TUT1: variants seen among roughly 807,000 people sequenced by gnomAD.
TUT1 encodes the protein terminal uridylyl transferase 1, U6 snRNA-specific, also known as speckle targeted PIP5K1A-regulated poly(A) polymerase.
In TUT1, 26 loss-of-function variants were observed where a neutral mutation model predicts 48.8. The observed-to-expected ratio is 0.53, with a 90% CI of 0.39 to 0.74. TUT1 has a LOEUF of 0.74. TUT1 is among the 30% of genes least tolerant of loss of function. TUT1 has a pLI of 0.00. For missense variants in TUT1, 1,065 were observed against 1,114.8 expected, an observed-to-expected ratio of 0.96 and a Z score of 0.64; for synonymous variants, 470 against 460.8, an observed-to-expected ratio of 1.02 and a Z score of -0.26.
chr11:62,581,919 G>A (rs190496915), intron 2 of TUT1, among the ~76,000 whole-genome samples: 27 of 152,216 alleles, frequency 1.8e-4, no homozygotes, highest in Admixed American at 9.1e-4. Flanking sequence ...GCTGAGGCAG[G>A]AGAACTGCTT....
intron 2 of TUT1, among the ~76,000 whole-genome samples, chr11:62,585,011 A>G (rs1430750093): frequency 2.1e-5 from 3 of 143,490 alleles, no homozygotes; most frequent in Admixed American, 2.1e-4. Flanking sequence ...TTTAGTAGAG[A>G]CGGTTTCACC....
intron 2 of TUT1, among the ~76,000 whole-genome samples, chr11:62,587,720 C>T (rs1941943776): frequency 6.6e-6 from 1 of 152,194 alleles, no homozygotes; most frequent in Admixed American, 6.5e-5. Flanking sequence ...AGGCTCCACC[C>T]CATTCTAAAA....
At chr11:62,585,995 G>A (rs760729175) in intron 2 of TUT1, among the ~76,000 whole-genome samples, 6 of 152,196 alleles carry the variant, frequency 3.9e-5, no homozygotes, top group East Asian at 1.9e-4. Flanking sequence ...CCAGCTACTC[G>A]GGAGGCTGAG....
intron 4 of TUT1, among the ~76,000 whole-genome samples, chr11:62,580,329 G>A (rs1418789081): frequency 7.9e-5 from 12 of 151,592 alleles, no homozygotes; most frequent in African/African-American, 2.2e-4. Context: ...GCATGGTGGC[G>A]TGTGCCTGTA....
intron 2 of TUT1, 121 bp from the exon 3 acceptor site, chr11:62,581,822 G>T: frequency 1.1e-6 from 1 of 950,842 alleles, no homozygotes; most frequent in Non-Finnish European, 1.4e-6. Flanking sequence ...TTTGCTTGCT[G>T]TTTTCATAAT....
At chr11:62,582,513 T>C (rs1344751433) in intron 2 of TUT1, 5 of 433,678 alleles carry the variant, frequency 1.2e-5, no homozygotes, top group Non-Finnish European at 2.3e-5. Flanking sequence ...AGAGCATCAC[T>C]TGGGCCCAGG....
At position 62,581,368 on chromosome 11, in the gene TUT1, G is replaced by A. The variant is rs1239900203; in HGVS notation, c.589+18C>T. 1.3e-6 allele frequency: 2 copies of A among 1,586,984 alleles called. No individual in the cohort carries two copies. Among genetic ancestry groups the A allele is most frequent in the Non-Finnish European group, 1.7e-6 (2 of 1,167,236 alleles). On this transcript the variant is annotated intron_variant, in intron 3 of 8. Coordinates refer to ENST00000476907, the MANE Select transcript of TUT1 (RefSeq NM_022830.3). ...AAAGGCCAGGGAGGGCTCAGACATA[G>A]TAGGGGAGGTAACTTACCAGGGAAG...
At chr11:62,590,233 C>A (rs777672317) in intron 1 of TUT1, among the ~76,000 whole-genome samples, 104 of 152,244 alleles carry the variant, frequency 6.8e-4, no homozygotes, top group African/African-American at 2.0e-3. Flanking sequence ...TGGCTCACGC[C>A]TGTAATCCCA....
chr11:62,579,751 G>T (rs1278133848), intron 4 of TUT1, among the ~76,000 whole-genome samples: 1 of 143,110 alleles, frequency 7.0e-6, no homozygotes, highest in Non-Finnish European at 1.5e-5. Context: ...TGCAACCTCC[G>T]CCTCCTGGGT....
In TUT1 at chr11:62,581,090, T is replaced by G. The variant is rs772828280; in HGVS notation, c.690+16A>C. On this transcript the variant is annotated intron_variant, in intron 4 of 8. Coordinates refer to ENST00000476907, the MANE Select transcript of TUT1 (RefSeq NM_022830.3). ...CATGGACTTTTCCCAGCTGCCTCCC[T>G]GGGACACTCACTCACCTGGGGCTCT... The G allele has an allele frequency of 2.1e-5, 34 of 1,609,058 alleles. No individual in the cohort carries two copies. The highest frequency in any genetic ancestry group is 2.7e-5 in the Non-Finnish European group (32 of 1,175,928).
intron 4 of TUT1, among the ~76,000 whole-genome samples, chr11:62,580,594 GTCAAT>G (rs1162927288): frequency 1.2e-4 from 17 of 142,388 alleles, no homozygotes; most frequent in Admixed American, 7.7e-4. Flanking sequence ...AGGTATCCAT[GTCAAT>G]TCTTTTTTTT....
At position 62,578,570 on chromosome 11, in the gene TUT1, A is replaced by G. The variant is rs764707983; in HGVS notation, c.1151T>C (p.Leu384Pro). ...RPSGLHGDVSLSNRLALHNSR... is the reference protein window; with the variant it reads ...RPSGLHGDVSPSNRLALHNSR... ...AAAAAAAGAAAGGTACCGGTTACTG[A>G]GGGAGACATCACCGTGGAGACCTGA... The change falls in exon 5 of 9, where the codon CTC (leucine) becomes CCC (proline). Residue 384 changes from leucine (L) to proline (P), a missense_variant. Physicochemically the swap from Leu to Pro is moderately conservative, Grantham distance 98. Transcript: ENST00000476907. The G allele has an allele frequency of 1.3e-6, 2 of 1,598,684 alleles. No homozygotes were observed. The highest frequency in any genetic ancestry group is 1.7e-6 in the Non-Finnish European group (2 of 1,171,912).
Position 62,576,016 on chromosome 11 carries a change from C to A in TUT1, c.1703G>T (p.Arg568Leu). Residue 568 changes from arginine (R) to leucine (L), a missense_variant, in exon 9 of 9, where the codon CGA (arginine) becomes CTA (leucine). Transcript: ENST00000476907. Reference sequence around the variant, plus strand: ...GCTTCGGCAGTAATTGGCTGCTGCTCGGCAGCAGTTCTGTAGGCGCCCAGC... The same window carrying A: ...GCTTCGGCAGTAATTGGCTGCTGCTAGGCAGCAGTTCTGTAGGCGCCCAGC... ...RVAGRLQNCCRAAANYCRSLQ... is the reference protein window; with the variant it reads ...RVAGRLQNCCLAAANYCRSLQ... The A allele has an allele frequency of 6.2e-7, 1 of 1,613,736 alleles. No homozygotes were observed. The highest frequency in any genetic ancestry group is 8.5e-7 in the Non-Finnish European group (1 of 1,179,994).
At chr11:62,583,128 CAAAAAAAAAAA>C (rs777695327) in intron 2 of TUT1, among the ~76,000 whole-genome samples, 14 of 58,556 alleles carry the variant, frequency 2.4e-4, no homozygotes, top group Admixed American at 1.9e-3. Context: ...ACTCTGTCTC[CAAAAAAAAAAA>C]AAAAAAAAAA....
intron 2 of TUT1, among the ~76,000 whole-genome samples, chr11:62,585,417 C>T (rs1021131934): frequency 1.3e-5 from 2 of 152,206 alleles, no homozygotes; most frequent in South Asian, 4.1e-4. Flanking sequence ...AGTACACCAC[C>T]AAGTTTGTAA....
chr11:62,589,293 C>A, intron 1 of TUT1, 72 bp from the exon 2 acceptor site: 1 of 1,416,490 alleles, frequency 7.1e-7, no homozygotes. Flanking sequence ...CTCTGCATAC[C>A]TAAATCTTAC....
intron 5 of TUT1, 61 bp from the exon 6 acceptor site, chr11:62,577,352 G>T: frequency 7.5e-7 from 1 of 1,336,324 alleles, no homozygotes; most frequent in Non-Finnish European, 1.0e-6. Flanking sequence ...ACCACCCCCA[G>T]CTTTCATTCC....
intron 5 of TUT1, among the ~76,000 whole-genome samples, chr11:62,577,770 A>C (rs752373825): frequency 7.9e-5 from 12 of 152,214 alleles, no homozygotes; most frequent in Non-Finnish European, 1.6e-4. Flanking sequence ...ACATCCCTTG[A>C]AAGTAGTATT....
At chr11:62,589,576 G>A (rs1941976798) in intron 1 of TUT1, among the ~76,000 whole-genome samples, 1 of 152,046 alleles carries the variant, frequency 6.6e-6, no homozygotes, top group African/African-American at 2.4e-5. Flanking sequence ...GCTAATTTTT[G>A]TATTTTTAGT....
Sources: gnomAD v4.1 joint callset for allele counts (sites outside exome capture counted in the v4.1 genomes callset) on GRCh38, gnomAD v4.1.1 for gene constraint, MANE v1.5 for transcripts, NCBI Gene and HGNC (gene_info 2026-07-23, HGNC 2026-07-21) for gene names.